The following STAU2 variants were observed in gnomAD, a reference collection of about 807,000 sequenced individuals.
The protein encoded by STAU2 is staufen double-stranded RNA binding protein 2.
STAU2 carries 20 observed loss-of-function variants against 65.9 expected under a neutral mutation model. That is an observed-to-expected ratio of 0.30 (90% CI 0.21 to 0.44). The LOEUF (loss-of-function observed/expected upper bound fraction) is 0.44. Ranked by LOEUF, STAU2 falls within the 20% of genes least tolerant of loss-of-function variation. The probability of loss-of-function intolerance (pLI) is 1.00; values close to 1 mark genes in which losing one functional copy is unlikely to be tolerated. For synonymous variants in STAU2, 232 were observed against 233.9 expected (o/e 0.99, Z 0.07); for missense variants, 558 against 683.9 (o/e 0.82, Z 2.05).
intron 3 of STAU2, among the ~76,000 whole-genome samples, chr8:73,716,829 C>T (rs137885442): frequency 2.6e-5 from 4 of 152,060 alleles, no homozygotes; most frequent in Admixed American, 6.6e-5. Flanking sequence ...CTAGGCCAGG[C>T]GCGGTGGCTC....
chr8:73,710,188 T>C (rs756792971), intron 3 of STAU2, among the ~76,000 whole-genome samples: 2 of 152,040 alleles, frequency 1.3e-5, no homozygotes, highest in African/African-American at 4.8e-5. Context: ...TTCTGATAAT[T>C]TGATATTTGA....
intron 13 of STAU2, among the ~76,000 whole-genome samples, chr8:73,518,893 G>A (rs1049214374): frequency 3.3e-5 from 5 of 152,056 alleles, no homozygotes; most frequent in Non-Finnish European, 7.4e-5. Context: ...TTAGTTCTAA[G>A]ATCAAGGGAC....
Position 73,688,703 on chromosome 8 carries a change from A to G in STAU2, c.225T>C (p.Leu75=). The change falls in exon 5 of 15, where the codon CTT becomes CTC. Residue 75 remains leucine, a synonymous_variant. Coordinates refer to ENST00000524300, the MANE Select transcript of STAU2 (RefSeq NM_001164380.2). ...TGGGTGGCTTCTGAACTGGTTTGGG[A>G]AGCGTAGATTCAGTCAAAGCTTTAT... ...VANKALTEST[L]PKPVQKPPKS... is the part of the protein sequence containing the mutation. The G allele has an allele frequency of 6.2e-7, 1 of 1,614,158 alleles. No individual in the cohort carries two copies. The highest frequency in any genetic ancestry group is 8.5e-7 in the Non-Finnish European group (1 of 1,180,022).
intron 3 of STAU2, among the ~76,000 whole-genome samples, chr8:73,726,760 A>G (rs1156785767): frequency 2.6e-5 from 4 of 152,164 alleles, no homozygotes; most frequent in Non-Finnish European, 5.9e-5. Flanking sequence ...TTTAGAGCAT[A>G]TTAGTAAGAA....
At chr8:73,508,268 T>C (rs1178282869) in intron 13 of STAU2, among the ~76,000 whole-genome samples, 1 of 152,190 alleles carries the variant, frequency 6.6e-6, no homozygotes, top group African/African-American at 2.4e-5. Context: ...GCAAGCAATA[T>C]GAAACTCTTT....
At chr8:73,461,768 G>C (rs576722443) in intron 13 of STAU2, among the ~76,000 whole-genome samples, 58 of 152,180 alleles carry the variant, frequency 3.8e-4, no homozygotes, top group Non-Finnish European at 7.6e-4. Context: ...CCAATCTGTG[G>C]AATGTAGGGG....
At chr8:73,649,896 T>TATATATAC (rs1554555951) in intron 6 of STAU2, among the ~76,000 whole-genome samples, 2 of 137,082 alleles carry the variant, frequency 1.5e-5, no homozygotes, top group East Asian at 4.2e-4. Flanking sequence ...TATATATATA[T>TATATATAC]ATATATATAT....
At chr8:73,448,100 G>A (rs1476027453) in intron 13 of STAU2, among the ~76,000 whole-genome samples, 2 of 152,110 alleles carry the variant, frequency 1.3e-5, no homozygotes, top group East Asian at 1.9e-4. Flanking sequence ...CCCTCCCAAG[G>A]AGGACCCTAG....
At chr8:73,638,552 T>C (rs1282469484) in intron 6 of STAU2, among the ~76,000 whole-genome samples, 2 of 151,384 alleles carry the variant, frequency 1.3e-5, no homozygotes, top group African/African-American at 4.8e-5. Flanking sequence ...TCAAATATAA[T>C]TGCAATTTCA....
At position 73,571,494 on chromosome 8, in the gene STAU2, G is replaced by A. The variant is rs1315254545; in HGVS notation, c.1222+11276C>T. On this transcript the variant is annotated intron_variant, in intron 12 of 14. Transcript: ENST00000524300. ...TATTCCAAAATTGATCACAGAGTTGGAAGTAAAGCACTCCTCAGCAAATGT... is the reference window on the plus strand; with the variant it reads ...TATTCCAAAATTGATCACAGAGTTGAAAGTAAAGCACTCCTCAGCAAATGT... 2.0e-5 allele frequency among the ~76,000 whole-genome samples: 3 copies of A among 152,152 alleles called. No homozygotes were observed. In the East Asian group the frequency reaches 5.8e-4, roughly 29 times the overall value.
chr8:73,576,166 G>A (rs1809533940), intron 12 of STAU2, among the ~76,000 whole-genome samples: 1 of 151,900 alleles, frequency 6.6e-6, no homozygotes, highest in Non-Finnish European at 1.5e-5. Flanking sequence ...TCTTATACAT[G>A]TGCACCCATA....
intron 5 of STAU2, 39 bp downstream of exon 5, chr8:73,688,615 A>T (rs370330932): frequency 6.2e-7 from 1 of 1,611,880 alleles, no homozygotes; most frequent in Non-Finnish European, 8.5e-7. Flanking sequence ...AGCAGAACAC[A>T]CATAGCAGAC....
chr8:73,471,727 A>G (rs1585826821), intron 13 of STAU2, among the ~76,000 whole-genome samples: 3 of 144,448 alleles, frequency 2.1e-5, no homozygotes. Context: ...CTGAGGCAGG[A>G]GAATCGTTTG....
At chr8:73,645,824 A>G (rs568210279) in intron 6 of STAU2, among the ~76,000 whole-genome samples, 37 of 152,216 alleles carry the variant, frequency 2.4e-4, no homozygotes, top group African/African-American at 8.4e-4. Flanking sequence ...GAAAGGAGGG[A>G]GGTGCTACAA....
At chr8:73,431,511 T>C (rs1817289491) in intron 13 of STAU2, among the ~76,000 whole-genome samples, 1 of 152,202 alleles carries the variant, frequency 6.6e-6, no homozygotes, top group South Asian at 2.1e-4. Flanking sequence ...CATGTGACTG[T>C]GTGTGCGTAT....
intron 5 of STAU2, among the ~76,000 whole-genome samples, chr8:73,687,358 AT>A (rs1818974504): frequency 1.9e-4 from 2 of 10,704 alleles, no homozygotes; most frequent in Non-Finnish European, 2.9e-4. Context: ...AATTTATATA[AT>A]ATAAATATAA....
chr8:73,499,867 C>T (rs73322849), intron 13 of STAU2, among the ~76,000 whole-genome samples: 7,545 of 151,808 alleles, frequency 0.05, 598 homozygotes, highest in African/African-American at 0.17. Flanking sequence ...CTCTAGACCA[C>T]GGGAGTATGG....
chr8:73,568,628 T>C (rs1450532286), intron 12 of STAU2, among the ~76,000 whole-genome samples: 1 of 151,842 alleles, frequency 6.6e-6, no homozygotes, highest in South Asian at 2.1e-4. Flanking sequence ...AAGACAACGA[T>C]TAAAACTGGC....
chr8:73,508,413 C>A (rs1822190263), intron 13 of STAU2, among the ~76,000 whole-genome samples: 1 of 152,092 alleles, frequency 6.6e-6, no homozygotes, highest in African/African-American at 2.4e-5. Flanking sequence ...AGTGAGAACA[C>A]ACAGAACATT....
Sources: allele counts gnomAD v4.1 joint callset (sites outside exome capture counted in the v4.1 genomes callset), GRCh38; gene constraint gnomAD v4.1.1; transcripts MANE v1.5; gene names NCBI Gene and HGNC (gene_info 2026-07-23, HGNC 2026-07-21).